The following KCNB2 variants were observed in gnomAD, a reference collection of about 807,000 sequenced individuals.
KCNB2 encodes the protein delayed rectifier potassium channel protein.
KCNB2 carries 15 observed loss-of-function variants against 61.5 expected under a neutral mutation model. That is an observed-to-expected ratio of 0.24 (90% CI 0.16 to 0.38). KCNB2 has a LOEUF of 0.38. Ranked by LOEUF, KCNB2 falls within the 10% of genes least tolerant of loss-of-function variation. KCNB2 has a pLI of 1.00. For missense variants in KCNB2, 828 were observed against 1,125.2 expected (o/e 0.74, Z 3.78); for synonymous variants, 457 against 446.0 (o/e 1.02, Z -0.31).
At chr8:72,853,832 C>T (rs1011878097) in intron 2 of KCNB2, among the ~76,000 whole-genome samples, 4 of 152,302 alleles carry the variant, frequency 2.6e-5, no homozygotes, top group Admixed American at 6.5e-5. Flanking sequence ...TGCACCGTCA[C>T]GTGACTTGAA....
chr8:72,935,821 T>C (rs942005098), intron 2 of KCNB2, 114 bp from the exon 3 acceptor site: 1 of 738,156 alleles, frequency 1.4e-6, no homozygotes, highest in Non-Finnish European at 2.3e-6. Flanking sequence ...TCTTATAATC[T>C]TCTTGGAAGA....
At chr8:72,654,466 A>T (rs546824283) in intron 2 of KCNB2, among the ~76,000 whole-genome samples, 69 of 152,302 alleles carry the variant, frequency 4.5e-4, no homozygotes, top group African/African-American at 1.6e-3. Flanking sequence ...AAGGGAGATA[A>T]CCAATACTTA....
chr8:72,763,964 A>G (rs944255187), intron 2 of KCNB2, among the ~76,000 whole-genome samples: 1 of 152,162 alleles, frequency 6.6e-6, no homozygotes, highest in Non-Finnish European at 1.5e-5. Flanking sequence ...TACAAGGCAC[A>G]GGCACAGCAG....
chr8:72,717,282 T>A (rs989414349), intron 2 of KCNB2, among the ~76,000 whole-genome samples: 7 of 152,170 alleles, frequency 4.6e-5, no homozygotes, highest in African/African-American at 1.7e-4. Context: ...AAGCTACCAA[T>A]GACTTTCTTC....
intron 2 of KCNB2, among the ~76,000 whole-genome samples, chr8:72,776,193 T>A (rs899957771): frequency 7.2e-6 from 1 of 139,434 alleles, no homozygotes; most frequent in African/African-American, 2.7e-5. Flanking sequence ...TAGGTGGGAA[T>A]TGAACAATGA....
At chr8:72,563,769 C>T (rs915588540) in intron 1 of KCNB2, among the ~76,000 whole-genome samples, 3 of 152,146 alleles carry the variant, frequency 2.0e-5, no homozygotes, top group Non-Finnish European at 4.4e-5. Flanking sequence ...TTATTATGGG[C>T]TTATTCTGAA....
At chr8:72,774,117 G>A (rs1369462356) in intron 2 of KCNB2, among the ~76,000 whole-genome samples, 1 of 152,062 alleles carries the variant, frequency 6.6e-6, no homozygotes, top group Non-Finnish European at 1.5e-5. Context: ...TAACCCCATT[G>A]TATAATAAGG....
intron 2 of KCNB2, among the ~76,000 whole-genome samples, chr8:72,613,043 T>A (rs1805564567): frequency 6.6e-6 from 1 of 152,190 alleles, no homozygotes; most frequent in Non-Finnish European, 1.5e-5. Flanking sequence ...CAAATAAATG[T>A]CGTGGAATAA....
At chr8:72,685,667 C>G (rs776038992) in intron 2 of KCNB2, among the ~76,000 whole-genome samples, 4 of 152,088 alleles carry the variant, frequency 2.6e-5, no homozygotes, top group Non-Finnish European at 5.9e-5. Flanking sequence ...GAGTCACGGT[C>G]TGAATGGGAA....
intron 2 of KCNB2, among the ~76,000 whole-genome samples, chr8:72,605,729 T>G (rs1383617415): frequency 6.6e-6 from 1 of 152,186 alleles, no homozygotes; most frequent in Non-Finnish European, 1.5e-5. Flanking sequence ...TTTTTTCCAG[T>G]TTCAACTTTG....
At chr8:72,561,775 A>ATATT (rs1246585636) in intron 1 of KCNB2, among the ~76,000 whole-genome samples, 4 of 27,432 alleles carry the variant, frequency 1.5e-4, no homozygotes, top group African/African-American at 6.6e-4. Flanking sequence ...ATATATATAT[A>ATATT]TGGATATATA....
chr8:72,593,575 G>A (rs946046480), intron 2 of KCNB2, among the ~76,000 whole-genome samples: 3 of 152,194 alleles, frequency 2.0e-5, no homozygotes, highest in Non-Finnish European at 4.4e-5. Context: ...TAGGGAGAGA[G>A]TTTAGAACTG....
intron 2 of KCNB2, among the ~76,000 whole-genome samples, chr8:72,889,100 A>G (rs1805854768): frequency 1.3e-5 from 2 of 152,160 alleles, no homozygotes; most frequent in African/African-American, 4.8e-5. Flanking sequence ...TGTGACAAGC[A>G]TTACCCCATG....
At chr8:72,797,457 G>A (rs1221107545) in intron 2 of KCNB2, among the ~76,000 whole-genome samples, 1 of 152,108 alleles carries the variant, frequency 6.6e-6, no homozygotes, top group Non-Finnish European at 1.5e-5. Context: ...TCCAGGCCAG[G>A]GGGCTGCTCT....
intron 2 of KCNB2, among the ~76,000 whole-genome samples, chr8:72,898,279 C>T (rs1480698724): frequency 1.3e-5 from 2 of 151,786 alleles, no homozygotes; most frequent in Non-Finnish European, 2.9e-5. Flanking sequence ...ACATCACACA[C>T]CGGGGCCTTT....
At chr8:72,690,171 AATTTC>A (rs1299354863) in intron 2 of KCNB2, among the ~76,000 whole-genome samples, 1 of 152,174 alleles carries the variant, frequency 6.6e-6, no homozygotes, top group African/African-American at 2.4e-5. Flanking sequence ...AGCTGGGAAG[AATTTC>A]ATTTCATGTC....
intron 1 of KCNB2, among the ~76,000 whole-genome samples, chr8:72,545,470 T>C (rs1456139481): frequency 6.6e-6 from 1 of 152,188 alleles, no homozygotes; most frequent in Non-Finnish European, 1.5e-5. Context: ...TGCTGATCCA[T>C]GATCAGTGAT....
intron 2 of KCNB2, among the ~76,000 whole-genome samples, chr8:72,642,528 A>C (rs1806072954): frequency 6.6e-6 from 1 of 152,104 alleles, no homozygotes; most frequent in African/African-American, 2.4e-5. Context: ...AGTACCTTAC[A>C]TGACTGGGTT....
At chr8:72,677,515 CCTT>C (rs1806678476) in intron 2 of KCNB2, among the ~76,000 whole-genome samples, 1 of 152,154 alleles carries the variant, frequency 6.6e-6, no homozygotes, top group African/African-American at 2.4e-5. Flanking sequence ...TGCTTACACT[CCTT>C]CTCTCTACTT....
Sources: allele counts gnomAD v4.1 joint callset (sites outside exome capture counted in the v4.1 genomes callset), GRCh38; gene constraint gnomAD v4.1.1; transcripts MANE v1.5; gene names NCBI Gene and HGNC (gene_info 2026-07-23, HGNC 2026-07-21).